Variants in CPXM2 observed in about 807,000 individuals in gnomAD.
CPXM2 encodes inactive carboxypeptidase-like protein X2.
A neutral mutation model predicts 86.1 loss-of-function variants in CPXM2; 66 were observed. The ratio of observed to expected loss-of-function variants is 0.77; its 90% CI spans 0.63 to 0.94. The LOEUF (loss-of-function observed/expected upper bound fraction) is 0.94, where lower values mean the gene tolerates loss of function less well. Among genes scored for constraint, CPXM2 ranks in the 40% least tolerant of loss-of-function variants. The pLI, the probability that CPXM2 is intolerant of heterozygous loss-of-function variation, is 0.00. For synonymous variants in CPXM2, 388 were observed against 400.2 expected, an observed-to-expected ratio of 0.97 and a Z score of 0.36; for missense variants, 948 against 1,026.3, an observed-to-expected ratio of 0.92 and a Z score of 1.04.
intron 10 of CPXM2, among the ~76,000 whole-genome samples, chr10:123,765,546 G>A (rs1846451077): frequency 6.6e-6 from 1 of 152,194 alleles, no homozygotes; most frequent in Admixed American, 6.5e-5. Flanking sequence ...ACTTTGCCAG[G>A]TGTCATTAGG....
intron 4 of CPXM2, among the ~76,000 whole-genome samples, chr10:123,829,051 T>C (rs1848105890): frequency 1.3e-5 from 2 of 152,006 alleles, no homozygotes; most frequent in African/African-American, 4.8e-5. Context: ...AACTAGAACA[T>C]GGACAAAAGA....
chr10:123,761,026 C>T (rs752310626), intron 11 of CPXM2, among the ~76,000 whole-genome samples: 7 of 152,186 alleles, frequency 4.6e-5, no homozygotes, highest in Non-Finnish European at 8.8e-5. Context: ...AGAGGGACTT[C>T]GGAAATGGGA....
Position 123,804,576 on chromosome 10 carries a change from T to A in CPXM2, c.654-5377A>T, listed in dbSNP as rs571853483. Among the ~76,000 whole-genome samples the A allele has an allele frequency of 5.3e-5, 8 of 152,328 alleles. No individual in the cohort carries two copies. In the East Asian group the frequency reaches 1.5e-3, roughly 29 times the overall value. On this transcript the variant is annotated intron_variant, in intron 4 of 13. Transcript: ENST00000241305. The stretch of plus-strand genomic sequence containing the variant: ...GTACCCAGCTACCTTGTTAATTTTT[T>A]AATTAGGTCCAATAGTTTGTGGGCT...
chr10:123,821,322 G>A (rs777191608), intron 4 of CPXM2, among the ~76,000 whole-genome samples: 3 of 152,118 alleles, frequency 2.0e-5, no homozygotes, highest in Non-Finnish European at 4.4e-5. Flanking sequence ...CCATAATTAG[G>A]GTTTCCTGGT....
chr10:123,787,838 T>A (rs912884639), intron 6 of CPXM2, among the ~76,000 whole-genome samples: 1 of 152,158 alleles, frequency 6.6e-6, no homozygotes, highest in Non-Finnish European at 1.5e-5. Flanking sequence ...GGACAGCAGA[T>A]TCCAAGTTAC....
intron 3 of CPXM2, among the ~76,000 whole-genome samples, chr10:123,858,942 C>A (rs61861896): frequency 6.6e-6 from 1 of 152,202 alleles, no homozygotes; most frequent in Admixed American, 6.5e-5. Context: ...GAAGAGCCAG[C>A]GGTGGGACCT....
At chr10:123,874,266 C>G (rs938460074) in intron 2 of CPXM2, among the ~76,000 whole-genome samples, 1 of 152,060 alleles carries the variant, frequency 6.6e-6, no homozygotes, top group African/African-American at 2.4e-5. Flanking sequence ...CCTCTCCCTG[C>G]GTCCTAACAT....
intron 2 of CPXM2, among the ~76,000 whole-genome samples, chr10:123,937,869 C>T (rs1945737455): frequency 6.6e-6 from 1 of 152,120 alleles, no homozygotes; most frequent in African/African-American, 2.4e-5. Context: ...ATGCCAATGT[C>T]CCCTGCACCC....
intron 2 of CPXM2, among the ~76,000 whole-genome samples, chr10:123,863,294 C>T (rs1848896731): frequency 1.3e-5 from 2 of 152,202 alleles, no homozygotes; most frequent in African/African-American, 4.8e-5. Flanking sequence ...GACCTCTGGG[C>T]TGCTGTTTGC....
rs1010675051 is a variant in CPXM2 at position 123,865,576 on chromosome 10, C to G, written c.404-2853G>C. Among the ~76,000 whole-genome samples the G allele has an allele frequency of 6.6e-6, 1 of 152,202 alleles. No homozygotes were observed. Among genetic ancestry groups the G allele is most frequent in the Admixed American group, 6.5e-5 (1 of 15,282 alleles). ...ACACTGTCCACCTCCTATCACACCT[C>G]TGAGTTTCCACTCAACCTCACGCAT... is the stretch of plus-strand genomic sequence containing the variant. On this transcript the variant is annotated intron_variant, in intron 2 of 13. Transcript: ENST00000241305. This position sits in a 1 kb window ranked among gnomAD's most constrained non-coding sequence, Gnocchi z 4.7.
In CPXM2 at chr10:123,780,193, G is replaced by T. The variant is rs776994597; in HGVS notation, c.952C>A (p.His318Asn). Residue 318 changes from histidine to asparagine, a missense_variant, in exon 7 of 14, where the codon CAC becomes AAC. By Grantham distance (68) the His-to-Asn change is moderately conservative (BLOSUM62 1). Coordinates refer to ENST00000241305, the MANE Select transcript of CPXM2 (RefSeq NM_198148.3). ...MTTTDDLDFK[H>N]HNYKEMRQLM... ...TGGCGCATTTCCTTATAATTGTGGTGCTTAAAATCCAGGTCATCAGTGGTG... is the reference window on the plus strand; with the variant it reads ...TGGCGCATTTCCTTATAATTGTGGTTCTTAAAATCCAGGTCATCAGTGGTG... The T allele has an allele frequency of 1.4e-5, 23 of 1,609,342 alleles. No individual in the cohort carries two copies. In the South Asian group the frequency reaches 2.4e-4, roughly 17 times the overall value.
chr10:123,798,436 T>C (rs1847382152), intron 5 of CPXM2, among the ~76,000 whole-genome samples: 1 of 151,926 alleles, frequency 6.6e-6, no homozygotes, highest in African/African-American at 2.4e-5. Flanking sequence ...AGGCAAAGTT[T>C]TGGGGAAGAG....
intron 6 of CPXM2, among the ~76,000 whole-genome samples, chr10:123,792,823 G>A (rs1340791455): frequency 6.6e-6 from 1 of 152,152 alleles, no homozygotes; most frequent in East Asian, 1.9e-4. Flanking sequence ...CAATACTCAT[G>A]CACACAAATC....
At chr10:123,756,005 G>C (rs533546357) in intron 12 of CPXM2, among the ~76,000 whole-genome samples, 3 of 152,334 alleles carry the variant, frequency 2.0e-5, no homozygotes, top group East Asian at 1.9e-4. Context: ...TTCTGTGCCA[G>C]AGCAGCTCAC....
At chr10:123,893,443 T>C (rs1166307619), upstream of CPXM2, among the ~76,000 whole-genome samples, 1 of 152,164 alleles carries the variant, frequency 6.6e-6, no homozygotes, top group Non-Finnish European at 1.5e-5. Flanking sequence ...GGGCCAGTCT[T>C]CCAGGCTTCC....
chr10:123,825,256 G>T (rs1260152614), intron 4 of CPXM2, among the ~76,000 whole-genome samples: 1 of 152,164 alleles, frequency 6.6e-6, no homozygotes, highest in African/African-American at 2.4e-5. Context: ...GAGGAAGGGG[G>T]CAGGGTGAAA....
chr10:123,876,727 T>A (rs999177110), intron 2 of CPXM2, among the ~76,000 whole-genome samples: 2 of 152,234 alleles, frequency 1.3e-5, no homozygotes, highest in African/African-American at 4.8e-5. Flanking sequence ...TAAAGAAGTT[T>A]GCCAGCCCCT....
Position 123,746,463 on chromosome 10 carries a change from C to T in CPXM2, c.*301G>A, listed in dbSNP as rs1845972951. On this transcript the variant is annotated 3_prime_UTR_variant, in exon 14 of 14. Transcript: ENST00000241305. ...TTTCTATGCAGCCAGAGGCTCTGAA[C>T]GGACAGGCTCCCCTCCTTCTCCTTC... is the stretch of plus-strand genomic sequence containing the variant. The T allele has an allele frequency of 1.2e-5, 5 of 418,928 alleles. No homozygotes were observed. In the Admixed American group the frequency reaches 1.6e-4, roughly 14 times the overall value. The allele number at this position is 418,928 out of a possible 1,614,324, so 26.0% of individuals were successfully genotyped here.
intron 6 of CPXM2, among the ~76,000 whole-genome samples, chr10:123,794,437 T>C (rs1847279156): frequency 6.6e-6 from 1 of 152,180 alleles, no homozygotes; most frequent in Non-Finnish European, 1.5e-5. Flanking sequence ...GGGGTAATCA[T>C]GTGCAAAGCT....
Sources: allele counts gnomAD v4.1 joint callset (sites outside exome capture counted in the v4.1 genomes callset), GRCh38; gene constraint gnomAD v4.1.1; non-coding constraint Gnocchi (gnomAD v3.1); transcripts MANE v1.5; gene names NCBI Gene and HGNC (gene_info 2026-07-23, HGNC 2026-07-21).